MROH9: variants seen among roughly 807,000 people sequenced by gnomAD.
MROH9 encodes maestro heat like repeat family member 9.
In MROH9, 92 loss-of-function variants were observed where a neutral mutation model predicts 98.2. The ratio of observed to expected loss-of-function variants is 0.94; its 90% confidence interval spans 0.79 to 1.11. The LOEUF is 1.11. Among genes scored for constraint, MROH9 ranks in the 50% most tolerant of loss-of-function variants. The pLI is 0.00. For missense variants in MROH9, 1,057 were observed against 1,014.8 expected, an observed-to-expected ratio of 1.04 and a Z score of -0.57; for synonymous variants, 397 against 368.9, an observed-to-expected ratio of 1.08 and a Z score of -0.87.
At chr1:171,007,758 C>A (rs1652014350) in intron 15 of MROH9, among the ~76,000 whole-genome samples, 2 of 152,156 alleles carry the variant, frequency 1.3e-5, no homozygotes, top group Non-Finnish European at 2.9e-5. Flanking sequence ...TGTTTCAGGG[C>A]ACAAAGACAT....
chr1:170,959,644 ACAG>A (rs769685506), intron 5 of MROH9, 47 bp downstream of exon 5: 52 of 1,561,476 alleles, frequency 3.3e-5, no homozygotes, highest in Non-Finnish European at 4.5e-5. Flanking sequence ...ATTACACATC[ACAG>A]CAATCCTGCA....
intron 20 of MROH9, among the ~76,000 whole-genome samples, chr1:171,050,560 T>A (rs1653630770): frequency 1.3e-5 from 2 of 152,036 alleles, no homozygotes; most frequent in Non-Finnish European, 2.9e-5. Flanking sequence ...TCATTAGGAG[T>A]CTTCTGGAGG....
Position 171,025,298 on chromosome 1 carries a change from T to C in MROH9, c.2179-20T>C. 1 of 1,464,368 alleles carries C rather than the reference T, an allele frequency of 6.8e-7. No homozygotes were observed. The highest frequency in any genetic ancestry group is 9.4e-7 in the Non-Finnish European group (1 of 1,068,576). The allele number at this position is 1,464,368 out of a possible 1,614,324, so 90.7% of individuals were successfully genotyped here. A position where few individuals can be genotyped will look rare whatever the true frequency, so the allele number is the denominator to read the frequency against. On this transcript the variant is annotated intron_variant, in intron 19 of 21. Coordinates refer to ENST00000367759, the MANE Select transcript of MROH9 (RefSeq NM_001163629.2). ...ATTTCAGCAATCGAGTGAGGTGCTT[T>C]TTTCCCTTTTTATTCTCAGATTATT...
At chr1:171,062,053 A>G in intron 20 of MROH9, 79 bp from the exon 21 acceptor site, 2 of 896,386 alleles carry the variant, frequency 2.2e-6, no homozygotes, top group Non-Finnish European at 3.5e-6. Context: ...AAAAAAGCAA[A>G]GAAGGTAGCC....
chr1:170,959,456 T>G lies in MROH9; in HGVS notation c.153-6T>G. On this transcript the variant is annotated splice_polypyrimidine_tract_variant and splice_region_variant and intron_variant, in intron 4 of 21. Transcript: ENST00000367759. ...ATCATTAATAATTGCTCCTTTTTCT[T>G]GTCAGCTTTGTGGATCCCTTACTGC... 5.7e-6 allele frequency: 9 copies of G among 1,591,148 alleles called. No individual in the cohort carries two copies. The highest frequency in any genetic ancestry group is 7.7e-6 in the Non-Finnish European group (9 of 1,171,844).
intron 15 of MROH9, among the ~76,000 whole-genome samples, chr1:171,008,312 A>G (rs559968467): frequency 2.6e-5 from 4 of 152,170 alleles, no homozygotes; most frequent in Non-Finnish European, 5.9e-5. Flanking sequence ...TATCATTGTA[A>G]TATTCTACAA....
At chr1:171,001,646 C>A (rs115384485) in intron 15 of MROH9, among the ~76,000 whole-genome samples, 1 of 151,864 alleles carries the variant, frequency 6.6e-6, no homozygotes. Flanking sequence ...TTTATTGAGG[C>A]TCATTTTTTG....
At chr1:170,993,422 A>G (rs1651437348) in intron 12 of MROH9, among the ~76,000 whole-genome samples, 2 of 152,280 alleles carry the variant, frequency 1.3e-5, no homozygotes, top group African/African-American at 2.4e-5. Context: ...AAGCCAGAAA[A>G]GTTACTGACT....
intron 8 of MROH9, among the ~76,000 whole-genome samples, chr1:170,983,081 C>T (rs559958573): frequency 1.3e-5 from 2 of 152,284 alleles, no homozygotes; most frequent in African/African-American, 2.4e-5. Flanking sequence ...TTTCAGTTGC[C>T]TCCAAGTCTA....
intron 16 of MROH9, chr1:171,015,091 C>G (rs967295807): frequency 2.1e-6 from 1 of 470,636 alleles, no homozygotes; most frequent in Middle Eastern, 3.3e-4. Flanking sequence ...TGCAAATGTT[C>G]TATAAATCAT....
In MROH9 at chr1:170,991,033, T is replaced by C. The variant is rs144018735; in HGVS notation, c.1028+1030T>C. 3.6e-3 allele frequency among the ~76,000 whole-genome samples: 544 copies of C among 152,282 alleles called. 2 individuals are homozygous for C. The highest frequency in any genetic ancestry group is 0.013 in the African/African-American group (524 of 41,558). Reference sequence around the variant, plus strand: ...CTCATCCAGGAACTAAGCACCCACTTTGTGTAAAGTATTACTGGCCCTCAA... The same window carrying C: ...CTCATCCAGGAACTAAGCACCCACTCTGTGTAAAGTATTACTGGCCCTCAA... On this transcript the variant is annotated intron_variant, in intron 11 of 21. Coordinates refer to ENST00000367759, the MANE Select transcript of MROH9 (RefSeq NM_001163629.2).
intron 20 of MROH9, among the ~76,000 whole-genome samples, chr1:171,059,058 C>T (rs766886188): frequency 8.5e-5 from 13 of 152,172 alleles, no homozygotes; most frequent in Non-Finnish European, 1.6e-4. Flanking sequence ...AGGCAACCTA[C>T]AGAATGGGAG....
chr1:171,035,584 T>G (rs1043337916), intron 20 of MROH9, among the ~76,000 whole-genome samples: 1 of 151,976 alleles, frequency 6.6e-6, no homozygotes, highest in Non-Finnish European at 1.5e-5. Flanking sequence ...TGTAAATTTA[T>G]AAGAAAAAAA....
intron 20 of MROH9, among the ~76,000 whole-genome samples, chr1:171,052,513 T>C (rs1023283483): frequency 6.6e-6 from 1 of 152,118 alleles, no homozygotes; most frequent in Non-Finnish European, 1.5e-5. Flanking sequence ...TGCCGGGAGA[T>C]ATGTCCAGGT....
chr1:170,962,160 T>C (rs570729107), intron 6 of MROH9, among the ~76,000 whole-genome samples, 184 bp downstream of exon 6: 4 of 152,282 alleles, frequency 2.6e-5, no homozygotes, highest in East Asian at 1.9e-4. Context: ...GGCACACTTT[T>C]AGGAATTTAA....
At chr1:171,015,926 G>A (rs1201134756) in intron 16 of MROH9, among the ~76,000 whole-genome samples, 1 of 152,052 alleles carries the variant, frequency 6.6e-6, no homozygotes, top group Non-Finnish European at 1.5e-5. Context: ...AAGAATTAGG[G>A]AGTGATAATT....
At chr1:171,024,216 C>T (rs144635610) in intron 17 of MROH9, among the ~76,000 whole-genome samples, 179 bp from the exon 18 acceptor site, 45 of 151,968 alleles carry the variant, frequency 3.0e-4, no homozygotes, top group Non-Finnish European at 5.6e-4. Context: ...ACTACTTGAA[C>T]CCAAGGTGAA....
chr1:171,047,048 A>C (rs1044487800), intron 20 of MROH9, among the ~76,000 whole-genome samples: 45 of 152,182 alleles, frequency 3.0e-4, no homozygotes, highest in African/African-American at 9.9e-4. Context: ...TTGGAGTTCC[A>C]TTGTATATTA....
intron 17 of MROH9, among the ~76,000 whole-genome samples, chr1:171,018,764 G>A (rs970684972): frequency 6.6e-6 from 1 of 152,172 alleles, no homozygotes; most frequent in Non-Finnish European, 1.5e-5. Flanking sequence ...GCATACACAA[G>A]TATCAATAGC....
Sources: allele counts gnomAD v4.1 joint callset (sites outside exome capture counted in the v4.1 genomes callset), GRCh38; gene constraint gnomAD v4.1.1; transcripts MANE v1.5; gene names NCBI Gene and HGNC (gene_info 2026-07-23, HGNC 2026-07-21).